The following MYH3 variants were observed in gnomAD, a reference collection of about 807,000 sequenced individuals.
MYH3 encodes the protein myosin-3.
Under a neutral mutation model 238.0 loss-of-function variants are expected in MYH3, and 130 were observed. That is an observed-to-expected ratio of 0.55 (90% CI 0.47 to 0.63). MYH3 has a LOEUF of 0.63. Among genes scored for constraint, MYH3 ranks in the 30% least tolerant of loss-of-function variants. The pLI is 0.00. For synonymous variants in MYH3, 880 were observed against 924.1 expected, an observed-to-expected ratio of 0.95 and a Z score of 0.86; for missense variants, 1,853 against 2,374.9, an observed-to-expected ratio of 0.78 and a Z score of 4.57.
chr17:10,633,906 T>A, intron 32 of MYH3, 111 bp downstream of exon 32: 1 of 1,494,206 alleles, frequency 6.7e-7, no homozygotes, highest in Non-Finnish European at 9.2e-7. Context: ...TGCATGTGCA[T>A]TAACACACAT....
chr17:10,673,799 A>T, the MYH3 span: 1 of 152,074 alleles, frequency 6.6e-6, no homozygotes, highest in Non-Finnish European at 1.5e-5. Context: ...TATTATAACA[A>T]CTCGATGGAG....
chr17:10,628,748 C>T, intron 40 of MYH3, 69 bp from the exon 41 acceptor site: 4 of 1,563,242 alleles, frequency 2.6e-6, no homozygotes, highest in East Asian at 4.5e-5. Context: ...CCACTTCTGC[C>T]GGCTGGCATC....
At chr17:10,674,317 T>C in the MYH3 span, 4 of 164,494 alleles carry the variant, frequency 2.4e-5, no homozygotes, top group South Asian at 4.1e-4. Flanking sequence ...TCCCAGCTAC[T>C]TGGGAGGCTG....
the MYH3 span, among the ~76,000 whole-genome samples, chr17:10,665,950 C>T: frequency 3.3e-5 from 5 of 152,180 alleles, no homozygotes; most frequent in South Asian, 2.1e-4. Flanking sequence ...GAAGGAGGCC[C>T]GGATACTTAT....
At chr17:10,646,532 C>T (rs1369513781) in intron 10 of MYH3, among the ~76,000 whole-genome samples, 2 of 152,120 alleles carry the variant, frequency 1.3e-5, no homozygotes, top group Admixed American at 6.5e-5. Flanking sequence ...GCAGTGCCTC[C>T]GTGGGCTTGA....
At chr17:10,631,772 T>C (rs747183079) in intron 35 of MYH3, 36 bp from the exon 36 acceptor site, 1 of 1,614,156 alleles carries the variant, frequency 6.2e-7, no homozygotes, top group South Asian at 1.1e-5. Flanking sequence ...CAGGTGCGTA[T>C]GAGGCTGGAA....
At position 10,655,021 on chromosome 17, in the gene MYH3, G is replaced by A; in HGVS notation, c.44C>T (p.Pro15Leu). Residue 15 changes from proline to leucine, a missense_variant, in exon 3 of 41, where the codon CCT becomes CTT. Coordinates refer to ENST00000583535, the MANE Select transcript of MYH3 (RefSeq NM_002470.4). ...TEMEVFGIAAPFLRKSEKERI... is the reference protein window; with the variant it reads ...TEMEVFGIAALFLRKSEKERI... ...CTCCTTTTCTGACTTCCGGAGGAAA[G>A]GAGCAGCTATGCCGAACACTTCCAT... 3.1e-6 allele frequency: 5 copies of A among 1,614,212 alleles called. No homozygotes were observed. Among genetic ancestry groups the A allele is most frequent in the Non-Finnish European group, 4.2e-6 (5 of 1,180,040 alleles).
At chr17:10,673,000 T>A in the MYH3 span, 1 of 27,400 alleles carries the variant, frequency 3.6e-5, no homozygotes, top group Non-Finnish European at 5.9e-5. Flanking sequence ...TAATTTTTCT[T>A]TTTTTTCTTT....
In MYH3 at chr17:10,649,672, C is replaced by T; in HGVS notation, c.547G>A (p.Ala183Thr). Residue 183 changes from alanine to threonine, a missense_variant, in exon 7 of 41, where the codon GCA becomes ACA. Ala to Thr is a moderately conservative substitution (Grantham distance 58). This residue lies in a region of MYH3 where 678 missense variants were observed against 1,058.9 expected (regional missense o/e 0.64). Transcript: ENST00000583535. Reference sequence around the variant, plus strand: ...CGTTTGGTGTTCACAGTCTTTCCTGCCCCGGATTCTCCGCTGTACAGAGTG... The same window carrying T: ...CGTTTGGTGTTCACAGTCTTTCCTGTCCCGGATTCTCCGCTGTACAGAGTG... The part of the protein sequence containing the change: ...QSILITGESG[A>T]GKTVNTKRVI... The T allele has an allele frequency of 1.2e-6, 2 of 1,614,130 alleles. No homozygotes were observed. Among genetic ancestry groups the T allele is most frequent in the Non-Finnish European group, 1.7e-6 (2 of 1,179,976 alleles).
chr17:10,638,794 C>T, intron 26 of MYH3, 79 bp downstream of exon 26: 1 of 1,451,244 alleles, frequency 6.9e-7, no homozygotes, highest in South Asian at 1.2e-5. Context: ...CCCACTTTCT[C>T]TAAATGGCTT....
chr17:10,650,051 A>G (rs575158712), intron 6 of MYH3, among the ~76,000 whole-genome samples: 1 of 152,238 alleles, frequency 6.6e-6, no homozygotes, highest in African/African-American at 2.4e-5. Flanking sequence ...GGCTCACTGC[A>G]AGCTCCGGCT....
At chr17:10,640,540 A>G (rs950142920) in intron 20 of MYH3, 23 bp downstream of exon 20, 3 of 1,614,250 alleles carry the variant, frequency 1.9e-6, no homozygotes, top group Non-Finnish European at 2.5e-6. Flanking sequence ...AAAGGCCAGC[A>G]TCTGTCAGAA....
Position 10,642,422 on chromosome 17 carries a change from G to T in MYH3, c.1883C>A (p.Ala628Glu), listed in dbSNP as rs765604070. Residue 628 changes from alanine to glutamate, a missense_variant, in exon 16 of 41, where the codon GCG (alanine) becomes GAG (glutamate). By Grantham distance (107) the Ala-to-Glu change is moderately radical. Around this residue, in one of 3 missense-constraint regions of MYH3, gnomAD observed 678 missense variants for 1,058.9 expected, o/e 0.64. Transcript: ENST00000583535. This position sits in a 1 kb window ranked among gnomAD's most constrained non-coding sequence, Gnocchi z 5.4. ...LAHLYATFAT[A>E]DADSGKKKVA... The stretch of plus-strand genomic sequence containing the variant: ...ACACAAAGCACTCCTCTTACCATCC[G>T]CCGTGGCAAACGTGGCATAGAGGTG... 6.2e-7 allele frequency: 1 copy of T among 1,614,128 alleles called. No individual in the cohort carries two copies. The highest frequency in any genetic ancestry group is 1.7e-5 in the Admixed American group (1 of 60,010).
chr17:10,670,239 A>G, the MYH3 span, among the ~76,000 whole-genome samples: 2 of 152,206 alleles, frequency 1.3e-5, no homozygotes, highest in Admixed American at 1.3e-4. This position sits in a 1 kb window ranked among gnomAD's most constrained non-coding sequence, Gnocchi z 7.0. Context: ...AAAGAGTAGT[A>G]GGTCAAGGGA....
intron 7 of MYH3, 111 bp from the exon 8 acceptor site, chr17:10,648,760 C>T (rs2074347466): frequency 2.2e-6 from 2 of 891,726 alleles, no homozygotes; most frequent in Non-Finnish European, 3.7e-6. Flanking sequence ...ACTGCAACCT[C>T]CACCTCCCGG....
Position 10,651,208 on chromosome 17 carries a change from C to T in MYH3, c.505+304G>A, listed in dbSNP as rs546717295. Among the ~76,000 whole-genome samples, 11 of 146,570 alleles carry T rather than the reference C, an allele frequency of 7.5e-5. No homozygotes were observed. The South Asian group carries it at 2.4e-3, about 32-fold the overall frequency. On this transcript the variant is annotated intron_variant, in intron 5 of 40. Coordinates refer to ENST00000583535, the MANE Select transcript of MYH3 (RefSeq NM_002470.4). ...TCAAAAAAAAAAAAAAAAAACCAGC[C>T]AGTGGCTTCTCATCGTTCTTGCTGT...
At chr17:10,676,456 G>A in the MYH3 span, 1 of 152,166 alleles carries the variant, frequency 6.6e-6, no homozygotes, top group African/African-American at 2.4e-5. Context: ...AATGGGCTGG[G>A]GTGGCAGTGG....
the MYH3 span, among the ~76,000 whole-genome samples, chr17:10,663,338 T>G: frequency 6.6e-6 from 1 of 152,006 alleles, no homozygotes; most frequent in African/African-American, 2.4e-5. Context: ...CTGATGGTGT[T>G]CGAATGAGGG....
intron 8 of MYH3, 116 bp downstream of exon 8, chr17:10,648,441 G>T: frequency 1.1e-6 from 1 of 871,362 alleles, no homozygotes; most frequent in Non-Finnish European, 2.0e-6. Flanking sequence ...GGTCTTGTTG[G>T]GTTGTTTTGT....
Sources: gnomAD v4.1 joint callset for allele counts (sites outside exome capture counted in the v4.1 genomes callset) on GRCh38, gnomAD v4.1.1 for gene constraint, gnomAD v4.1.1 regional missense constraint, Gnocchi (gnomAD v3.1) non-coding constraint, MANE v1.5 for transcripts, NCBI Gene and HGNC (gene_info 2026-07-23, HGNC 2026-07-21) for gene names.